Variants in HTR4 observed in about 807,000 individuals in gnomAD.
HTR4 encodes the protein 5-hydroxytryptamine (serotonin) receptor 4, G protein-coupled.
Under a neutral mutation model 36.8 loss-of-function variants are expected in HTR4, and 16 were observed. The ratio of observed to expected loss-of-function variants is 0.43; its 90% CI spans 0.29 to 0.66. The LOEUF (loss-of-function observed/expected upper bound fraction) is 0.66, where lower values mean the gene tolerates loss of function less well. Ranked by LOEUF, HTR4 falls within the 30% of genes least tolerant of loss-of-function variation. The probability of loss-of-function intolerance (pLI) is 0.13; values close to 1 mark genes in which losing one functional copy is unlikely to be tolerated. For missense variants in HTR4, 438 were observed against 490.9 expected, an observed-to-expected ratio of 0.89 and a Z score of 1.02; for synonymous variants, 189 against 185.1, an observed-to-expected ratio of 1.02 and a Z score of -0.17.
chr5:148,548,917 A>G, intron 3 of HTR4, 49 bp from the exon 4 acceptor site: 1 of 1,334,268 alleles, frequency 7.5e-7, no homozygotes, highest in Non-Finnish European at 1.1e-6. Flanking sequence ...GGATGAAGGG[A>G]AAAAGGGGAG....
intron 4 of HTR4, among the ~76,000 whole-genome samples, chr5:148,527,686 CT>C (rs10709210): frequency 0.31 from 47,377 of 151,954 alleles, 7,722 homozygotes; most frequent in Non-Finnish European, 0.37. Flanking sequence ...GTGATCTTGG[CT>C]CACTGCAACC....
At chr5:148,575,615 T>G (rs908997958) in intron 2 of HTR4, among the ~76,000 whole-genome samples, 1 of 152,086 alleles carries the variant, frequency 6.6e-6, no homozygotes, top group Non-Finnish European at 1.5e-5. Context: ...GATGACATTA[T>G]TATTTATGGA....
At chr5:148,487,692 TAG>T (rs754777442) in intron 6 of HTR4, among the ~76,000 whole-genome samples, 4 of 150,488 alleles carry the variant, frequency 2.7e-5, no homozygotes, top group Non-Finnish European at 4.4e-5. Context: ...AGCTTAGAGA[TAG>T]AGACAGTAGA....
intron 5 of HTR4, among the ~76,000 whole-genome samples, chr5:148,519,659 T>C (rs1757919962): frequency 6.6e-6 from 1 of 152,224 alleles, no homozygotes; most frequent in Non-Finnish European, 1.5e-5. Context: ...TGGTCATTTG[T>C]AGACATGCAT....
intron 2 of HTR4, among the ~76,000 whole-genome samples, chr5:148,582,378 G>T (rs1358919574): frequency 1.3e-5 from 2 of 151,964 alleles, no homozygotes; most frequent in Non-Finnish European, 2.9e-5. Flanking sequence ...GAGGTTTGGG[G>T]TAGGATTGAT....
At chr5:148,536,218 C>T (rs1314390392) in intron 4 of HTR4, among the ~76,000 whole-genome samples, 1 of 152,106 alleles carries the variant, frequency 6.6e-6, no homozygotes, top group Non-Finnish European at 1.5e-5. Flanking sequence ...ACCTGCTTTA[C>T]AAGAGATCTT....
intron 1 of HTR4, among the ~76,000 whole-genome samples, chr5:148,648,032 G>A (rs1046277193): frequency 2.0e-5 from 3 of 152,126 alleles, no homozygotes; most frequent in Non-Finnish European, 4.4e-5. Context: ...AGAATGGATT[G>A]GTGAATAGAT....
In HTR4 at chr5:148,502,724, C is replaced by T. The variant is rs974373442; in HGVS notation, c.1076+6732G>A. ...CTAAAGGAGAAGTTTAAACCCATCGCAAAGAAGCTAAAAACCTTGCAGAAA... is the reference window on the plus strand; with the variant it reads ...CTAAAGGAGAAGTTTAAACCCATCGTAAAGAAGCTAAAAACCTTGCAGAAA... On this transcript the variant is annotated intron_variant, in intron 6 of 6. Coordinates refer to ENST00000377888, the MANE Select transcript of HTR4 (RefSeq NM_000870.7). Among the ~76,000 whole-genome samples the T allele has an allele frequency of 5.3e-5, 8 of 152,270 alleles. No homozygotes were observed. In the South Asian group the frequency reaches 1.7e-3, roughly 32 times the overall value.
chr5:148,585,922 C>T (rs1479944299), intron 2 of HTR4, among the ~76,000 whole-genome samples: 1 of 152,170 alleles, frequency 6.6e-6, no homozygotes, highest in South Asian at 2.1e-4. Flanking sequence ...GCTCCTTTTA[C>T]AAGACTCTTA....
At chr5:148,459,962 C>T (rs1175561762) in intron 5 of HTR4, among the ~76,000 whole-genome samples, 1 of 151,938 alleles carries the variant, frequency 6.6e-6, no homozygotes, top group Non-Finnish European at 1.5e-5. Context: ...GAGAAAGAAC[C>T]AAGTAGAAAT....
Position 148,507,817 on chromosome 5 carries a change from C to T in HTR4, c.1076+1639G>A, listed in dbSNP as rs1036244323. ...AGCAAATGTATTACCAGAGCATACG[C>T]TGTTTGTAAGTTGTCAACAGCCTGT... is the stretch of plus-strand genomic sequence containing the variant. On this transcript the variant is annotated intron_variant, in intron 6 of 6. Transcript: ENST00000377888. Among the ~76,000 whole-genome samples the T allele has an allele frequency of 8.5e-5, 13 of 152,284 alleles. No homozygotes were observed. In the South Asian group the frequency reaches 2.5e-3, roughly 29 times the overall value.
intron 2 of HTR4, among the ~76,000 whole-genome samples, chr5:148,595,873 G>A (rs1248438053): frequency 6.6e-6 from 1 of 152,198 alleles, no homozygotes; most frequent in Non-Finnish European, 1.5e-5. Flanking sequence ...AGTTAGTGTA[G>A]TGACACACTT....
chr5:148,622,615 T>TACTAGCGGTGTGTCTTTAAGTGCAA (rs1177024176), intron 2 of HTR4, among the ~76,000 whole-genome samples: 2 of 152,248 alleles, frequency 1.3e-5, no homozygotes, highest in Non-Finnish European at 2.9e-5. Context: ...TTCTGTTATT[T>TACTAGCGGTGTGTCTTTAAGTGCAA]ACTAGCGGTG....
intron 6 of HTR4, among the ~76,000 whole-genome samples, chr5:148,495,025 A>C (rs1044611697): frequency 1.2e-4 from 18 of 152,202 alleles, no homozygotes; most frequent in African/African-American, 4.3e-4. Flanking sequence ...AAGTGCTTGC[A>C]AAAGTTCTCA....
chr5:148,644,700 G>C (rs761856420), intron 1 of HTR4: 22 of 152,226 alleles, frequency 1.4e-4, no homozygotes, highest in South Asian at 1.0e-3. Context: ...GGATAGGAAG[G>C]TGGGATGTGG....
At chr5:148,579,614 A>C (rs1033239057) in intron 2 of HTR4, among the ~76,000 whole-genome samples, 1 of 152,088 alleles carries the variant, frequency 6.6e-6, no homozygotes, top group Admixed American at 6.6e-5. Context: ...AGATGTAGGT[A>C]GGGATCACTG....
chr5:148,604,224 A>G (rs897708888), intron 2 of HTR4, among the ~76,000 whole-genome samples: 8 of 152,166 alleles, frequency 5.3e-5, no homozygotes, highest in African/African-American at 1.7e-4. Flanking sequence ...GTCACCTTCA[A>G]AAGAGTGGGA....
At chr5:148,526,531 A>G (rs1758284523) in intron 4 of HTR4, among the ~76,000 whole-genome samples, 1 of 152,144 alleles carries the variant, frequency 6.6e-6, no homozygotes, top group African/African-American at 2.4e-5. Flanking sequence ...TTGGATCTCT[A>G]ACGTCACAAA....
chr5:148,544,320 CACCTCTCTTTCTCTCTCTCT>C (rs777716474), intron 4 of HTR4, among the ~76,000 whole-genome samples: 38,109 of 150,666 alleles, frequency 0.25, 5,657 homozygotes, highest in Non-Finnish European at 0.34. Flanking sequence ...TCTCTCTCTC[CACCTCTCTTTCTCTCTCTCT>C]CCACACACAC....
Sources: allele counts gnomAD v4.1 joint callset (sites outside exome capture counted in the v4.1 genomes callset), GRCh38; gene constraint gnomAD v4.1.1; transcripts MANE v1.5; gene names NCBI Gene and HGNC (gene_info 2026-07-23, HGNC 2026-07-21).